EGFLAM: variants seen among roughly 807,000 people sequenced by gnomAD.
EGFLAM encodes the protein pikachurin.
Under a neutral mutation model 113.1 loss-of-function variants are expected in EGFLAM, and 79 were observed. The ratio of observed to expected loss-of-function variants is 0.70; its 90% CI spans 0.58 to 0.84. The LOEUF (loss-of-function observed/expected upper bound fraction) is 0.84. Ranked by LOEUF, EGFLAM falls within the 40% of genes least tolerant of loss-of-function variation. EGFLAM has a pLI of 0.00. For missense variants in EGFLAM, 1,265 were observed against 1,291.6 expected (o/e 0.98, Z 0.32); for synonymous variants, 504 against 487.6 (o/e 1.03, Z -0.44).
At chr5:38,344,998 A>G (rs1446666579) in intron 3 of EGFLAM, among the ~76,000 whole-genome samples, 1 of 152,234 alleles carries the variant, frequency 6.6e-6, no homozygotes, top group Non-Finnish European at 1.5e-5. Context: ...GGATACTGAG[A>G]GACGAGTCAT....
At chr5:38,454,887 A>G (rs1378181595) in intron 19 of EGFLAM, among the ~76,000 whole-genome samples, 6 of 152,214 alleles carry the variant, frequency 3.9e-5, no homozygotes, top group Non-Finnish European at 7.3e-5. Flanking sequence ...GTATATATGT[A>G]TATATATTTA....
At chr5:38,351,920 G>A (rs1438354417) in intron 4 of EGFLAM, among the ~76,000 whole-genome samples, 1 of 152,132 alleles carries the variant, frequency 6.6e-6, no homozygotes, top group Non-Finnish European at 1.5e-5. Flanking sequence ...TAATTAATTG[G>A]ATTTGCAGTC....
In EGFLAM at chr5:38,418,229, GA is replaced by G; in HGVS notation, c.1662del (p.Ala555HisfsTer53). ...RRIDMRPWPL[G>X]KALSGADVGE... Reference sequence around the variant, plus strand: ...ATTGACATGAGGCCCTGGCCCCTGGGAAAAGCACTCAGTGGGGCTGATGTGG... The same window carrying G: ...ATTGACATGAGGCCCTGGCCCCTGGGAAAGCACTCAGTGGGGCTGATGTGG... On this transcript the variant is annotated frameshift_variant, in exon 12 of 22. Transcript: ENST00000322350. LOFTEE classifies it high-confidence loss of function. 6.2e-7 allele frequency: 1 copy of G among 1,613,844 alleles called. No homozygotes were observed. The highest frequency in any genetic ancestry group is 8.5e-7 in the Non-Finnish European group (1 of 1,179,912).
chr5:38,302,038 G>C (rs1453293292), intron 1 of EGFLAM, among the ~76,000 whole-genome samples: 1 of 152,068 alleles, frequency 6.6e-6, no homozygotes, highest in Non-Finnish European at 1.5e-5. Flanking sequence ...TCAGGAGTTT[G>C]AGACCAGCCT....
chr5:38,463,979 C>G lies in EGFLAM; in HGVS notation c.3023C>G (p.Ala1008Gly). Residue 1008 changes from alanine (A) to glycine (G), a missense_variant, in exon 22 of 22, where the codon GCC becomes GGC. Physicochemically the swap from Ala to Gly is moderately conservative, Grantham distance 60. Transcript: ENST00000322350. The part of the protein sequence containing the change: ...VDGKNINTCG[A>G]K ...GGGAAAAACATCAACACTTGTGGAG[C>G]CAAGTAACACCAGCTGGCCTTGTCC... is the stretch of plus-strand genomic sequence containing the variant. 1 of 1,614,218 alleles carries G rather than the reference C, an allele frequency of 6.2e-7. No individual in the cohort carries two copies. Among genetic ancestry groups the G allele is most frequent in the Non-Finnish European group, 8.5e-7 (1 of 1,180,044 alleles).
In EGFLAM at chr5:38,406,141, G is replaced by A; in HGVS notation, c.728G>A (p.Gly243Glu). 6.2e-7 allele frequency: 1 copy of A among 1,614,142 alleles called. No individual in the cohort carries two copies. The highest frequency in any genetic ancestry group is 8.5e-7 in the Non-Finnish European group (1 of 1,180,016). ...CTTTGTGAAGGCCCTGAGGAGGCGG[G>A]AAGTGGCCGCTATGGACCCCGTTAT... ...IIRTLCPEEA[G>E]SGRYGPRYIT... Residue 243 changes from glycine to glutamate, a missense_variant, in exon 7 of 22, where the codon GGA (glycine) becomes GAA (glutamate). Coordinates refer to ENST00000322350, the MANE Select transcript of EGFLAM (RefSeq NM_152403.4).
intron 5 of EGFLAM, among the ~76,000 whole-genome samples, chr5:38,364,482 A>C (rs545327781): frequency 3.7e-4 from 56 of 152,270 alleles, no homozygotes; most frequent in African/African-American, 1.3e-3. Flanking sequence ...ATGTTCCTGG[A>C]ATTGCTTAGA....
intron 10 of EGFLAM, among the ~76,000 whole-genome samples, 173 bp from the exon 11 acceptor site, chr5:38,412,331 A>T (rs1305098826): frequency 1.3e-5 from 2 of 152,198 alleles, no homozygotes; most frequent in East Asian, 1.9e-4. Context: ...CCCCAGGAAG[A>T]GGTGCCTAGT....
intron 5 of EGFLAM, among the ~76,000 whole-genome samples, chr5:38,360,354 G>C (rs1739886091): frequency 6.6e-6 from 1 of 152,214 alleles, no homozygotes; most frequent in Admixed American, 6.5e-5. Context: ...AATCAGGAGA[G>C]ATGGTTCTGA....
At chr5:38,422,910 G>C (rs1183830523) in intron 12 of EGFLAM, among the ~76,000 whole-genome samples, 3 of 152,130 alleles carry the variant, frequency 2.0e-5, no homozygotes, top group Non-Finnish European at 2.9e-5. Flanking sequence ...CCCTGCTGTG[G>C]CTTACTCACC....
intron 1 of EGFLAM, among the ~76,000 whole-genome samples, chr5:38,312,342 T>C (rs529742611): frequency 7.2e-5 from 11 of 151,808 alleles, no homozygotes; most frequent in South Asian, 4.2e-4. Flanking sequence ...CCTAGGTTCA[T>C]GCCATTTTCC....
At chr5:38,447,072 T>C (rs572196027) in intron 17 of EGFLAM, among the ~76,000 whole-genome samples, 46 of 152,310 alleles carry the variant, frequency 3.0e-4, no homozygotes, top group African/African-American at 8.2e-4. Context: ...AACCACCATT[T>C]CTGTATCTTT....
rs1256615645 is a variant in EGFLAM at position 38,352,228 on chromosome 5, C to A, written c.442C>A (p.Pro148Thr). 1 of 1,614,132 alleles carries A rather than the reference C, an allele frequency of 6.2e-7. No homozygotes were observed. The highest frequency in any genetic ancestry group is 8.5e-7 in the Non-Finnish European group (1 of 1,180,006). The change falls in exon 5 of 22, where the codon CCA becomes ACA. Residue 148 changes from proline to threonine, a missense_variant. Pro to Thr is a conservative substitution (Grantham distance 38). Coordinates refer to ENST00000322350, the MANE Select transcript of EGFLAM (RefSeq NM_152403.4). ...SCLPPAAPQQ[P>T]HVIVVSDSEV... ...CCTGCCTCCTGCAGCTCCCCAGCAG[C>A]CACATGTCATTGTGGTTTCGGATTC...
chr5:38,436,073 C>G (rs1246084256), intron 16 of EGFLAM, among the ~76,000 whole-genome samples: 1 of 152,102 alleles, frequency 6.6e-6, no homozygotes, highest in African/African-American at 2.4e-5. Context: ...ACCTTGGCCT[C>G]CCAAAGTGCT....
intron 1 of EGFLAM, among the ~76,000 whole-genome samples, chr5:38,327,260 C>T (rs10063130): frequency 1.1e-4 from 16 of 152,274 alleles, no homozygotes; most frequent in African/African-American, 2.9e-4. Context: ...GCAAACTTCA[C>T]GAAGCAGTGT....
chr5:38,326,194 TG>T (rs780796398), intron 1 of EGFLAM, among the ~76,000 whole-genome samples: 59 of 152,266 alleles, frequency 3.9e-4, no homozygotes, highest in Middle Eastern at 6.8e-3. Flanking sequence ...GGCCAGTGGT[TG>T]TGCCCCTCTG....
chr5:38,358,927 G>T (rs1739846675), intron 5 of EGFLAM, among the ~76,000 whole-genome samples: 1 of 152,144 alleles, frequency 6.6e-6, no homozygotes, highest in Non-Finnish European at 1.5e-5. Context: ...AAAGCCATGT[G>T]TTTGAGGTGA....
chr5:38,342,879 G>A (rs1739370925), intron 3 of EGFLAM, among the ~76,000 whole-genome samples: 2 of 152,076 alleles, frequency 1.3e-5, no homozygotes, highest in Admixed American at 1.3e-4. Flanking sequence ...AATTTTAAAG[G>A]AGGAGATAAA....
At chr5:38,418,033 G>A (rs1741707335) in intron 11 of EGFLAM, 33 bp from the exon 12 acceptor site, 2 of 1,580,020 alleles carry the variant, frequency 1.3e-6, no homozygotes, top group Non-Finnish European at 1.7e-6. Context: ...TTTGTTTAGT[G>A]AGAGTATTCA....
Sources: allele counts gnomAD v4.1 joint callset (sites outside exome capture counted in the v4.1 genomes callset), GRCh38; gene constraint gnomAD v4.1.1; transcripts MANE v1.5; gene names NCBI Gene and HGNC (gene_info 2026-07-23, HGNC 2026-07-21).